MYT1: variants seen among roughly 807,000 people sequenced by gnomAD.
The protein encoded by MYT1 is myelin transcription factor I.
MYT1 carries 23 observed loss-of-function variants against 123.0 expected under a neutral mutation model. The observed-to-expected ratio is 0.19, with a 90% confidence interval of 0.13 to 0.26. MYT1 has a LOEUF of 0.26. Among genes scored for constraint, MYT1 ranks in the 10% least tolerant of loss-of-function variants. The pLI, the probability that MYT1 is intolerant of heterozygous loss-of-function variation, is 1.00. For missense variants in MYT1, 1,125 were observed against 1,472.5 expected (o/e 0.76, Z 3.86); for synonymous variants, 518 against 575.3 (o/e 0.90, Z 1.43).
chr20:64,222,275 A>G (rs1026671152), intron 14 of MYT1, among the ~76,000 whole-genome samples: 1 of 152,198 alleles, frequency 6.6e-6, no homozygotes. Context: ...GATTAAGAAC[A>G]AAGAAATCCC....
chr20:64,202,297 A>G lies in MYT1; in HGVS notation c.86+2375A>G, dbSNP rs1487069916. ...GAGCCCACTGGGAGTGCCTGAGCGAAGAAGCAGTTTGATGGTTTTTCCTTT... is the reference window on the plus strand; with the variant it reads ...GAGCCCACTGGGAGTGCCTGAGCGAGGAAGCAGTTTGATGGTTTTTCCTTT... On this transcript the variant is annotated intron_variant, in intron 4 of 22. Transcript: ENST00000328439. This position sits in a 1 kb window ranked among gnomAD's most constrained non-coding sequence, Gnocchi z 5.0. Among the ~76,000 whole-genome samples the G allele has an allele frequency of 1.3e-5, 2 of 152,198 alleles. No homozygotes were observed. Among genetic ancestry groups the G allele is most frequent in the Non-Finnish European group, 2.9e-5 (2 of 68,030 alleles).
chr20:64,227,291 A>C (rs1984193826), intron 16 of MYT1, 124 bp from the exon 17 acceptor site: 4 of 775,650 alleles, frequency 5.2e-6, no homozygotes, highest in Non-Finnish European at 8.3e-6. Flanking sequence ...TCTGCGGACA[A>C]GGGAATGTGG....
chr20:64,236,476 C>T lies in MYT1; in HGVS notation c.2898-79C>T, dbSNP rs1462671740. The T allele has an allele frequency of 2.7e-6, 3 of 1,124,810 alleles. No individual in the cohort carries two copies. The African/African-American group carries it at 4.7e-5, about 18-fold the overall frequency. The allele number at this position is 1,124,810 out of a possible 1,614,324, so 69.7% of individuals were successfully genotyped here. On this transcript the variant is annotated intron_variant, in intron 19 of 22. Transcript: ENST00000328439. ...GCTGGCCGTGGTATGTGACCCTGGG[C>T]TGGCCGTGGTATGTGACCCTGGGAT... is the stretch of plus-strand genomic sequence containing the variant.
rs1189673304 is a variant in MYT1, at chr20:64,167,416, A to G, written c.-99+2677A>G. 6.6e-6 allele frequency among the ~76,000 whole-genome samples: 1 copy of G among 152,096 alleles called. No homozygotes were observed. Among genetic ancestry groups the G allele is most frequent in the African/African-American group, 2.4e-5 (1 of 41,406 alleles). On this transcript the variant is annotated intron_variant, in intron 1 of 22. Coordinates refer to ENST00000328439, the MANE Select transcript of MYT1 (RefSeq NM_004535.3). The surrounding 1 kb of genome is among the most constrained non-coding windows in gnomAD (Gnocchi z 6.3). The stretch of plus-strand genomic sequence containing the variant: ...GGATGAGACCGGGAACAACCAGAAC[A>G]CTTTGGTCAGCACCGGGCCTGGAGT...
intron 1 of MYT1, among the ~76,000 whole-genome samples, chr20:64,176,569 TG>T (rs1441062622): frequency 6.6e-6 from 1 of 152,270 alleles, no homozygotes; most frequent in African/African-American, 2.4e-5. Flanking sequence ...TTCCTTGTCC[TG>T]GGTGTGGGGC....
chr20:64,204,017 C>G (rs1983402519), intron 4 of MYT1, among the ~76,000 whole-genome samples: 1 of 152,250 alleles, frequency 6.6e-6, no homozygotes, highest in Non-Finnish European at 1.5e-5. Flanking sequence ...GCCTGCCCCT[C>G]CCACCTGCCT....
chr20:64,208,538 C>A lies in MYT1; in HGVS notation c.1291+51C>A, dbSNP rs563085254. On this transcript the variant is annotated intron_variant, in intron 7 of 22. Coordinates refer to ENST00000328439, the MANE Select transcript of MYT1 (RefSeq NM_004535.3). This position sits in a 1 kb window ranked among gnomAD's most constrained non-coding sequence, Gnocchi z 5.4. ...TGCAGACTCATCCTTTCACCCCTGC[C>A]CCAGGTGTGCAGATGCAGGCTGAGA... is the stretch of plus-strand genomic sequence containing the variant. The A allele has an allele frequency of 5.9e-6, 9 of 1,529,096 alleles. No individual in the cohort carries two copies. The East Asian group carries it at 1.8e-4, about 31-fold the overall frequency. 94.7% of individuals were successfully genotyped at this position (1,529,096 alleles called of 1,614,324 possible). A position where few individuals can be genotyped will look rare whatever the true frequency, so the allele number is the denominator to read the frequency against.
intron 19 of MYT1, among the ~76,000 whole-genome samples, chr20:64,235,636 CTGGCCGTGGTGGGTGACCCTGGGA>C (rs1568722614): frequency 1.2e-4 from 16 of 131,256 alleles, no homozygotes; most frequent in African/African-American, 3.0e-4. Context: ...TGACCCTGGG[CTGGCCGTGGTGGGTGACCCTGGGA>C]TGGCCGTGGT....
intron 19 of MYT1, among the ~76,000 whole-genome samples, chr20:64,235,004 G>GTGGTGGGTGACCCTGGGATGGTCA (rs1568722222): frequency 1.4e-4 from 21 of 146,602 alleles, no homozygotes; most frequent in African/African-American, 5.4e-4. Flanking sequence ...TGGGCTGGCT[G>GTGGTGGGTGACCCTGGGATGGTCA]TGGTGGGTGA....
chr20:64,178,289 G>T (rs1474545598), intron 1 of MYT1, among the ~76,000 whole-genome samples: 2 of 152,254 alleles, frequency 1.3e-5, no homozygotes, highest in Non-Finnish European at 2.9e-5. Flanking sequence ...ACTTGCATGG[G>T]TGTTTCCAGC....
At chr20:64,204,120 T>C (rs1415326789) in intron 4 of MYT1, among the ~76,000 whole-genome samples, 6 of 152,224 alleles carry the variant, frequency 3.9e-5, no homozygotes, top group Admixed American at 2.6e-4. Flanking sequence ...AGGAGCCTGA[T>C]ACATGGTGAA....
At chr20:64,235,320 G>C (rs1359268958) in intron 19 of MYT1, among the ~76,000 whole-genome samples, 6 of 123,422 alleles carry the variant, frequency 4.9e-5, no homozygotes, top group Admixed American at 3.0e-4. Flanking sequence ...TGTGGTGGGT[G>C]ACCCTGGGCT....
In MYT1 at chr20:64,218,964, C is replaced by G. The variant is rs1336777610; in HGVS notation, c.1900C>G (p.Leu634Val). 2 of 1,613,826 alleles carry G rather than the reference C, an allele frequency of 1.2e-6. No homozygotes were observed. Among genetic ancestry groups the G allele is most frequent in the South Asian group, 2.2e-5 (2 of 91,080 alleles). Residue 634 changes from leucine to valine, a missense_variant, in exon 12 of 23, where the codon CTG (leucine) becomes GTG (valine). Physicochemically the swap from Leu to Val is conservative, Grantham distance 32. Transcript: ENST00000328439. The surrounding 1 kb of genome is among the most constrained non-coding windows in gnomAD (Gnocchi z 4.0). ...TGCACACATGGCTGCCACTGCCATC[C>G]TGAACCTCTCCACGCGCTGCTGGGA... ...EAAHMAATAILNLSTRCWEMP... is the reference protein window; with the variant it reads ...EAAHMAATAIVNLSTRCWEMP...
In MYT1 at chr20:64,223,006, G is replaced by T. The variant is rs556077066; in HGVS notation, c.2397-105G>T. The T allele has an allele frequency of 2.7e-4, 347 of 1,301,468 alleles. 3 individuals are homozygous for T. The South Asian group carries it at 4.0e-3, about 15-fold the overall frequency. 80.6% of individuals were successfully genotyped at this position (1,301,468 alleles called of 1,614,324 possible). A position where few individuals can be genotyped will look rare whatever the true frequency, so the allele number is the denominator to read the frequency against. On this transcript the variant is annotated intron_variant, in intron 14 of 22. Coordinates refer to ENST00000328439, the MANE Select transcript of MYT1 (RefSeq NM_004535.3). The stretch of plus-strand genomic sequence containing the variant: ...TGGAGGAGGGGCCACCGCTTGGCTC[G>T]CGGGTGAGCCAGGAGTGGGCACCAG...
chr20:64,193,697 G>A lies in MYT1; in HGVS notation c.-1+3537G>A, dbSNP rs934454531. 6.6e-6 allele frequency among the ~76,000 whole-genome samples: 1 copy of A among 151,962 alleles called. No homozygotes were observed. The highest frequency in any genetic ancestry group is 1.5e-5 in the Non-Finnish European group (1 of 67,984). On this transcript the variant is annotated intron_variant, in intron 2 of 22. Transcript: ENST00000328439. This position sits in a 1 kb window ranked among gnomAD's most constrained non-coding sequence, Gnocchi z 4.0. ...CTCTTCACTGGCCCCTTCCTTCTGG[G>A]AAGTGGCTGCCTATGGTCCGCTGGG...
chr20:64,211,008 T>C, intron 7 of MYT1, among the ~76,000 whole-genome samples, 198 bp from the exon 8 acceptor site: 1 of 152,250 alleles, frequency 6.6e-6, no homozygotes, highest in African/African-American at 2.4e-5. Context: ...GCCTCAGGGC[T>C]TCCGCACAGG....
chr20:64,199,122 C>G (rs1462349925), intron 3 of MYT1, among the ~76,000 whole-genome samples: 1 of 152,212 alleles, frequency 6.6e-6, no homozygotes, highest in African/African-American at 2.4e-5. Context: ...GATGAACCTG[C>G]CTTGAGGGCA....
intron 18 of MYT1, among the ~76,000 whole-genome samples, chr20:64,228,360 G>A (rs764837212): frequency 2.0e-5 from 3 of 152,236 alleles, no homozygotes; most frequent in Non-Finnish European, 4.4e-5. Context: ...TCAAGGAGGA[G>A]AAGGTGGTTA....
At chr20:64,199,762 C>A in intron 3 of MYT1, 130 bp from the exon 4 acceptor site, 2 of 1,051,982 alleles carry the variant, frequency 1.9e-6, no homozygotes, top group South Asian at 1.3e-5. Flanking sequence ...CGGCTCAGGT[C>A]TCACTGAGAT....
Sources: allele counts gnomAD v4.1 joint callset (sites outside exome capture counted in the v4.1 genomes callset), GRCh38; gene constraint gnomAD v4.1.1; non-coding constraint Gnocchi (gnomAD v3.1); transcripts MANE v1.5; gene names NCBI Gene and HGNC (gene_info 2026-07-23, HGNC 2026-07-21).